Variants in FRMD4B observed in about 807,000 individuals in gnomAD.
FRMD4B encodes FERM domain-containing protein 4B.
In FRMD4B, 74 loss-of-function variants were observed where a neutral mutation model predicts 141.5. The observed-to-expected ratio is 0.52, with a 90% CI of 0.43 to 0.63. The LOEUF (loss-of-function observed/expected upper bound fraction) is 0.63, where lower values mean the gene tolerates loss of function less well. FRMD4B is among the 30% of genes least tolerant of loss of function. The pLI is 0.00. For synonymous variants in FRMD4B, 506 were observed against 467.9 expected (o/e 1.08, Z -1.05); for missense variants, 1,366 against 1,253.4 (o/e 1.09, Z -1.36).
chr3:69,470,835 T>G (rs1559537150), intron 1 of FRMD4B, among the ~76,000 whole-genome samples: 1 of 152,196 alleles, frequency 6.6e-6, no homozygotes, highest in Non-Finnish European at 1.5e-5. Context: ...TATGATCAAT[T>G]TGCACAATTA....
At chr3:69,467,954 C>T (rs1705822614) in intron 1 of FRMD4B, among the ~76,000 whole-genome samples, 2 of 152,166 alleles carry the variant, frequency 1.3e-5, no homozygotes, top group African/African-American at 4.8e-5. Context: ...CTCACCTGGG[C>T]CTGAAGCTAC....
chr3:69,384,660 T>C (rs1347122852), intron 1 of FRMD4B, among the ~76,000 whole-genome samples: 1 of 152,298 alleles, frequency 6.6e-6, no homozygotes, highest in Admixed American at 6.5e-5. Context: ...ATATCACAGA[T>C]ATGTTATACA....
At chr3:69,540,611 T>G (rs1448540446) in intron 1 of FRMD4B, among the ~76,000 whole-genome samples, 1 of 18,542 alleles carries the variant, frequency 5.4e-5, no homozygotes, top group Non-Finnish European at 8.6e-5. Flanking sequence ...AGACTCTGTC[T>G]CTAAAAAAAA....
chr3:69,190,100 GA>G, intron 17 of FRMD4B, 148 bp from the exon 18 acceptor site: 3 of 573,970 alleles, frequency 5.2e-6, no homozygotes, highest in Non-Finnish European at 9.4e-6. Context: ...ACCATAGTAA[GA>G]ATGGACTCAT....
At chr3:69,369,245 A>C (rs936929643) in intron 1 of FRMD4B, among the ~76,000 whole-genome samples, 12 of 152,190 alleles carry the variant, frequency 7.9e-5, no homozygotes, top group African/African-American at 2.9e-4. Context: ...AAATACATAC[A>C]TGTATTTGTA....
chr3:69,436,041 A>G (rs1194218012), intron 1 of FRMD4B, among the ~76,000 whole-genome samples: 1 of 152,182 alleles, frequency 6.6e-6, no homozygotes, highest in Non-Finnish European at 1.5e-5. Context: ...CAATCAAAGG[A>G]CAGGAGATTC....
At chr3:69,454,267 G>C (rs1705548680) in intron 1 of FRMD4B, among the ~76,000 whole-genome samples, 1 of 152,228 alleles carries the variant, frequency 6.6e-6, no homozygotes, top group Non-Finnish European at 1.5e-5. Flanking sequence ...GGAACGTTGG[G>C]AGGTGACAGC....
chr3:69,405,847 C>A (rs749838573), intron 2 of FRMD4B, among the ~76,000 whole-genome samples: 8 of 152,164 alleles, frequency 5.3e-5, no homozygotes, highest in Non-Finnish European at 1.0e-4. Context: ...TAACTTGGTC[C>A]CTTGTAGTGA....
At chr3:69,523,516 T>C (rs1575600082) in intron 1 of FRMD4B, among the ~76,000 whole-genome samples, 2 of 152,132 alleles carry the variant, frequency 1.3e-5, no homozygotes, top group African/African-American at 4.8e-5. Context: ...AAGTAGCAAA[T>C]TGGTTGCTGA....
At chr3:69,389,086 T>G (rs964498947), upstream of FRMD4B, among the ~76,000 whole-genome samples, 9 of 145,156 alleles carry the variant, frequency 6.2e-5, no homozygotes, top group South Asian at 2.0e-3. Context: ...CAGGCTGGAG[T>G]GCAGTGGCAC....
At chr3:69,226,286 T>A (rs1014553040) in intron 7 of FRMD4B, among the ~76,000 whole-genome samples, 3 of 152,206 alleles carry the variant, frequency 2.0e-5, no homozygotes, top group African/African-American at 7.2e-5. Flanking sequence ...CTGACAATCT[T>A]GGGAAACTGG....
intron 1 of FRMD4B, among the ~76,000 whole-genome samples, chr3:69,533,841 G>C (rs1163940122): frequency 6.6e-6 from 1 of 152,142 alleles, no homozygotes; most frequent in African/African-American, 2.4e-5. Context: ...CTGGATAGGA[G>C]AGTTCACCTT....
At chr3:69,256,246 C>T (rs926091567) in intron 5 of FRMD4B, among the ~76,000 whole-genome samples, 2 of 152,120 alleles carry the variant, frequency 1.3e-5, no homozygotes, top group Non-Finnish European at 1.5e-5. Context: ...TGGAGTTTAA[C>T]TCACATCTCA....
At chr3:69,446,740 A>C (rs139901293) in intron 1 of FRMD4B, among the ~76,000 whole-genome samples, 709 of 152,342 alleles carry the variant, frequency 4.7e-3, no homozygotes, top group Non-Finnish European at 8.5e-3. Context: ...GAAGACACAT[A>C]TCTCACTCTC....
chr3:69,209,556 G>C (rs111633480), intron 11 of FRMD4B, among the ~76,000 whole-genome samples: 1 of 152,136 alleles, frequency 6.6e-6, no homozygotes, highest in African/African-American at 2.4e-5. Context: ...GGCCCAGAAA[G>C]TTGAGTGACA....
At chr3:69,515,758 C>T (rs958157115) in intron 1 of FRMD4B, among the ~76,000 whole-genome samples, 1 of 152,098 alleles carries the variant, frequency 6.6e-6, no homozygotes, top group Non-Finnish European at 1.5e-5. Context: ...AAGGAAGACA[C>T]AAGAAACTGA....
At chr3:69,452,984 C>A (rs1705524115) in intron 1 of FRMD4B, among the ~76,000 whole-genome samples, 1 of 152,198 alleles carries the variant, frequency 6.6e-6, no homozygotes, top group African/African-American at 2.4e-5. Context: ...CGTACTAAGC[C>A]TTCAAAATCC....
chr3:69,488,969 T>C (rs984504201), intron 1 of FRMD4B, among the ~76,000 whole-genome samples: 1 of 150,128 alleles, frequency 6.7e-6, no homozygotes, highest in East Asian at 2.0e-4. Context: ...ATTTGTGACC[T>C]CGGGTTAGGC....
At chr3:69,494,550 C>A (rs1049304205) in intron 1 of FRMD4B, among the ~76,000 whole-genome samples, 1 of 152,162 alleles carries the variant, frequency 6.6e-6, no homozygotes, top group Non-Finnish European at 1.5e-5. Context: ...TGAGTTCACA[C>A]ATGTGGGAAG....
Sources: gnomAD v4.1 joint callset for allele counts (sites outside exome capture counted in the v4.1 genomes callset) on GRCh38, gnomAD v4.1.1 for gene constraint, MANE v1.5 for transcripts, NCBI Gene and HGNC (gene_info 2026-07-23, HGNC 2026-07-21) for gene names.